The following RBFOX2 variants were observed in gnomAD, a reference collection of about 807,000 sequenced individuals.
RBFOX2 encodes RNA binding fox-1 homolog 2.
A neutral mutation model predicts 49.1 loss-of-function variants in RBFOX2; 10 were observed. That is an observed-to-expected ratio of 0.20 (90% confidence interval 0.13 to 0.35). The LOEUF (loss-of-function observed/expected upper bound fraction) is 0.35, where lower values mean the gene tolerates loss of function less well. Ranked by LOEUF, RBFOX2 falls within the 10% of genes least tolerant of loss-of-function variation. RBFOX2 has a pLI of 1.00. For missense variants in RBFOX2, 323 were observed against 486.9 expected (o/e 0.66, Z 3.17); for synonymous variants, 183 against 187.4 (o/e 0.98, Z 0.19).
At chr22:35,902,355 A>G (rs180907037) in intron 1 of RBFOX2, among the ~76,000 whole-genome samples, 51 of 152,088 alleles carry the variant, frequency 3.4e-4, no homozygotes, top group Non-Finnish European at 5.3e-4. Context: ...CCTCTCCATC[A>G]CTGCCACCTG....
chr22:35,992,021 G>T (rs2058004325), intron 1 of RBFOX2, among the ~76,000 whole-genome samples: 1 of 152,090 alleles, frequency 6.6e-6, no homozygotes, highest in African/African-American at 2.4e-5. Flanking sequence ...ACAGATGAAG[G>T]AACTGAGCCT....
chr22:35,860,609 C>G (rs745644101), intron 1 of RBFOX2, among the ~76,000 whole-genome samples: 4 of 152,228 alleles, frequency 2.6e-5, no homozygotes, highest in African/African-American at 9.6e-5. Context: ...GGCTTTAAAT[C>G]AGGCTGTGTT....
At chr22:35,812,401 A>C (rs1952077944) in intron 1 of RBFOX2, among the ~76,000 whole-genome samples, 1 of 152,158 alleles carries the variant, frequency 6.6e-6, no homozygotes, top group South Asian at 2.1e-4. Flanking sequence ...CTAGGTTAGG[A>C]TAGTTTTTAT....
chr22:35,832,829 G>GT (rs1326956670), intron 1 of RBFOX2, among the ~76,000 whole-genome samples: 3 of 152,138 alleles, frequency 2.0e-5, no homozygotes, highest in Non-Finnish European at 4.4e-5. Flanking sequence ...GGGCAACATA[G>GT]TGAGATTCAG....
chr22:35,901,069 C>G (rs1165808038), intron 1 of RBFOX2, among the ~76,000 whole-genome samples: 1 of 152,202 alleles, frequency 6.6e-6, no homozygotes, highest in African/African-American at 2.4e-5. Context: ...CATGCATTAT[C>G]TCATTGCATC....
chr22:35,789,259 T>C (rs1163794450), intron 2 of RBFOX2, among the ~76,000 whole-genome samples: 1 of 152,118 alleles, frequency 6.6e-6, no homozygotes, highest in Non-Finnish European at 1.5e-5. Flanking sequence ...TAAGAGACCG[T>C]AGGCCAGGTA....
chr22:35,811,555 T>C (rs549240235), intron 1 of RBFOX2, among the ~76,000 whole-genome samples: 10 of 152,154 alleles, frequency 6.6e-5, no homozygotes, highest in Non-Finnish European at 1.5e-4. Context: ...AATACATTGC[T>C]ATATTGTTAT....
intron 2 of RBFOX2, among the ~76,000 whole-genome samples, chr22:35,790,075 T>C (rs1263103753): frequency 6.6e-6 from 1 of 152,210 alleles, no homozygotes; most frequent in African/African-American, 2.4e-5. Context: ...ACTTTTGAAA[T>C]TTTTGTGGTG....
chr22:35,956,694 T>C (rs889135400), intron 1 of RBFOX2, among the ~76,000 whole-genome samples: 2 of 152,076 alleles, frequency 1.3e-5, no homozygotes, highest in African/African-American at 2.4e-5. Context: ...CCGAATACCA[T>C]AGTCTATCAG....
At chr22:35,774,430 T>TAGTA (rs1270374407) in intron 4 of RBFOX2, among the ~76,000 whole-genome samples, 4 of 152,146 alleles carry the variant, frequency 2.6e-5, no homozygotes, top group African/African-American at 9.6e-5. Flanking sequence ...TATATCTTAA[T>TAGTA]AGTACATTTT....
At chr22:36,013,751 C>A (rs1478728696) in intron 1 of RBFOX2, among the ~76,000 whole-genome samples, 3 of 150,506 alleles carry the variant, frequency 2.0e-5, no homozygotes, top group African/African-American at 7.4e-5. Flanking sequence ...AAGCAAGGAG[C>A]AAAAAATACA....
intron 2 of RBFOX2, among the ~76,000 whole-genome samples, chr22:35,792,240 C>T (rs181803585): frequency 1.2e-3 from 168 of 143,954 alleles, no homozygotes; most frequent in African/African-American, 4.1e-3. Flanking sequence ...TTGCTTGAAC[C>T]GGGAGGTGGA....
At chr22:35,805,656 A>G (rs1950600007) in intron 2 of RBFOX2, among the ~76,000 whole-genome samples, 1 of 152,218 alleles carries the variant, frequency 6.6e-6, no homozygotes, top group Non-Finnish European at 1.5e-5. Context: ...AACTAAGTCC[A>G]CAAAAAACCC....
chr22:36,006,068 C>T (rs1370449824), intron 1 of RBFOX2, among the ~76,000 whole-genome samples: 2 of 152,138 alleles, frequency 1.3e-5, no homozygotes, highest in Non-Finnish European at 2.9e-5. Flanking sequence ...ATTAACAGAA[C>T]GAGCAATCAA....
chr22:35,904,660 T>C (rs1603444586), intron 1 of RBFOX2, among the ~76,000 whole-genome samples: 2 of 152,210 alleles, frequency 1.3e-5, no homozygotes, highest in South Asian at 4.1e-4. Flanking sequence ...TAAGCTAATC[T>C]GATAATCTAC....
At chr22:35,743,817 A>C (rs1931087986) in exon 12 of RBFOX2, 1 of 168,818 alleles carries the variant, frequency 5.9e-6, no homozygotes, top group Admixed American at 6.4e-5. Context: ...CTGTCTGCTG[A>C]TTTCTGATCA....
intron 1 of RBFOX2, among the ~76,000 whole-genome samples, chr22:35,957,963 A>C (rs1419763000): frequency 6.6e-6 from 1 of 152,236 alleles, no homozygotes; most frequent in Non-Finnish European, 1.5e-5. Context: ...CATTTAAAAA[A>C]ACAAAAGATA....
At chr22:35,977,725 T>TAG (rs200982540) in intron 1 of RBFOX2, among the ~76,000 whole-genome samples, 1,705 of 7,582 alleles carry the variant, frequency 0.22, 42 homozygotes, top group Admixed American at 0.28. Context: ...GAATGAACTA[T>TAG]ATATATATAT....
At chr22:35,755,953 A>G (rs1163445525) in intron 9 of RBFOX2, 152 bp downstream of exon 11, 1 of 366,954 alleles carries the variant, frequency 2.7e-6, no homozygotes, top group Non-Finnish European at 4.3e-6. Context: ...TCTTAAATAT[A>G]TAAATATATA....
Sources: gnomAD v4.1 joint callset for allele counts (sites outside exome capture counted in the v4.1 genomes callset) on GRCh38, gnomAD v4.1.1 for gene constraint, MANE v1.5 for transcripts, NCBI Gene and HGNC (gene_info 2026-07-23, HGNC 2026-07-21) for gene names.